Variants in MRPS17 observed in about 807,000 individuals in gnomAD.
MRPS17 encodes the protein small ribosomal subunit protein uS17m.
Under a neutral mutation model 11.3 loss-of-function variants are expected in MRPS17, and 6 were observed. That is an observed-to-expected ratio of 0.53 (90% CI 0.29 to 1.05). The LOEUF (loss-of-function observed/expected upper bound fraction) is 1.05. Ranked by LOEUF, MRPS17 falls within the 50% of genes least tolerant of loss-of-function variation. The pLI is 0.08. For synonymous variants in MRPS17, 56 were observed against 60.4 expected (o/e 0.93, Z 0.34); for missense variants, 139 against 153.6 (o/e 0.90, Z 0.50).
At chr7:55,952,054 G>A (rs1487058732) in intron 1 of MRPS17, 124 bp downstream of exon 1, 2 of 151,938 alleles carry the variant, frequency 1.3e-5, no homozygotes, top group Non-Finnish European at 2.9e-5. Context: ...TGACCTCGGG[G>A]TTGTCTGGGG....
rs1432456564 is a variant in MRPS17 at position 55,954,908 on chromosome 7, G to C, written c.124-1G>C. Reference sequence around the variant, plus strand: ...ATTTGCTTCTCTCCCTCTCTCAACAGTATTTTAATAAGCGGAAAACCTACT... The same window carrying C: ...ATTTGCTTCTCTCCCTCTCTCAACACTATTTTAATAAGCGGAAAACCTACT... On this transcript the variant is annotated splice_acceptor_variant, in intron 2 of 2. Coordinates refer to ENST00000285298, the MANE Select transcript of MRPS17 (RefSeq NM_015969.3). LOFTEE classifies it high-confidence loss of function. 6.2e-7 allele frequency: 1 copy of C among 1,612,724 alleles called. No individual in the cohort carries two copies. Among genetic ancestry groups the C allele is most frequent in the Non-Finnish European group, 8.5e-7 (1 of 1,179,022 alleles).
intron 2 of MRPS17, 104 bp from the exon 3 acceptor site, chr7:55,954,805 C>G: frequency 7.2e-7 from 1 of 1,389,472 alleles, no homozygotes; most frequent in Non-Finnish European, 9.8e-7. Flanking sequence ...TTATCTTTTC[C>G]TAAGTCCTGG....
In MRPS17 at chr7:55,955,293, A is replaced by AAT; in HGVS notation, c.*117_*118dup. 1 of 1,295,660 alleles carries AAT rather than the reference A, an allele frequency of 7.7e-7. No homozygotes were observed. The highest frequency in any genetic ancestry group is 1.1e-6 in the Non-Finnish European group (1 of 947,006). The allele number at this position is 1,295,660 out of a possible 1,614,324, so 80.3% of individuals were successfully genotyped here. Reference sequence around the variant, plus strand: ...TCCAGTTTCTCTGTGGTGTTTATGAAATAGCTAAAAGCAAATGAAGTAAAG... The same window carrying AAT: ...TCCAGTTTCTCTGTGGTGTTTATGAAATATAGCTAAAAGCAAATGAAGTAAAG... On this transcript the variant is annotated 3_prime_UTR_variant, in exon 3 of 3. Coordinates refer to ENST00000285298, the MANE Select transcript of MRPS17 (RefSeq NM_015969.3).
chr7:55,952,022 C>T (rs1190196953), intron 1 of MRPS17, 92 bp downstream of exon 1: 1 of 152,322 alleles, frequency 6.6e-6, no homozygotes, highest in Admixed American at 6.5e-5. Context: ...GCGTGAGAGC[C>T]CTGAGAGCGA....
rs1316810253 is a variant in MRPS17, at chr7:55,955,224, T to C, written c.*46T>C. 2 of 1,563,812 alleles carry C rather than the reference T, an allele frequency of 1.3e-6. No homozygotes were observed. The highest frequency in any genetic ancestry group is 2.3e-5 in the East Asian group (1 of 44,308). ...CTAAAGGGAAAAACTGACATGTTTA[T>C]GTTATGGAAAAAGAAATTTTTCTAA... On this transcript the variant is annotated 3_prime_UTR_variant, in exon 3 of 3. Transcript: ENST00000285298.
At chr7:55,954,871 T>G in intron 2 of MRPS17, 38 bp from the exon 3 acceptor site, 1 of 1,597,524 alleles carries the variant, frequency 6.3e-7, no homozygotes, top group Non-Finnish European at 8.5e-7. Flanking sequence ...AGGTCACAGA[T>G]GGGAACTACT....
chr7:55,954,947 C>T lies in MRPS17; in HGVS notation c.162C>T (p.Ala54=). Residue 54 remains alanine (A), a synonymous_variant, in exon 3 of 3, where the codon GCC becomes GCT. Transcript: ENST00000285298. ...GGAAAACCTACTTTGCTCACGATGC[C>T]CTTCAGCAGTGCACAGTTGGGGATA... ...NKRKTYFAHD[A]LQQCTVGDIV... is the part of the protein sequence containing the mutation. 1 of 1,614,084 alleles carries T rather than the reference C, an allele frequency of 6.2e-7. No individual in the cohort carries two copies.
At chr7:55,952,704 C>T (rs12669185) in intron 1 of MRPS17, among the ~76,000 whole-genome samples, 27,170 of 149,350 alleles carry the variant, frequency 0.18, 2,952 homozygotes, top group East Asian at 0.35. Flanking sequence ...CACTTCACTC[C>T]AGACTGGGCG....
intron 1 of MRPS17, among the ~76,000 whole-genome samples, 155 bp from the exon 2 acceptor site, chr7:55,953,024 T>C (rs1786668810): frequency 6.6e-6 from 1 of 151,144 alleles, no homozygotes; most frequent in African/African-American, 2.4e-5. Flanking sequence ...AGAGAGAGAC[T>C]ACATCTAAAA....
At chr7:55,953,944 C>T (rs60962915) in intron 2 of MRPS17, among the ~76,000 whole-genome samples, 27,467 of 152,084 alleles carry the variant, frequency 0.18, 3,030 homozygotes, top group East Asian at 0.34. Flanking sequence ...TCCTGCTGTG[C>T]GGCCCTGTTC....
chr7:55,953,106 G>A (rs912881232), intron 1 of MRPS17, 73 bp from the exon 2 acceptor site: 1 of 1,540,996 alleles, frequency 6.5e-7, no homozygotes, highest in African/African-American at 1.4e-5. Context: ...GGACTAACCT[G>A]GACAGTTCTT....
chr7:55,953,276 A>G lies in MRPS17; in HGVS notation c.81A>G (p.Lys27=), dbSNP rs1786675545. Residue 27 remains lysine, a synonymous_variant, in exon 2 of 3, where the codon AAA becomes AAG. Coordinates refer to ENST00000285298, the MANE Select transcript of MRPS17 (RefSeq NM_015969.3). The part of the protein sequence containing the change: ...VIGTKMQKTA[K]VRVTRLVLDP... ...GGACAAAAATGCAAAAGACTGCTAA[A>G]GTGAGAGTGACCAGGCTTGTTCTGG... 6.2e-7 allele frequency: 1 copy of G among 1,614,208 alleles called. No individual in the cohort carries two copies. The highest frequency in any genetic ancestry group is 8.5e-7 in the Non-Finnish European group (1 of 1,180,038).
rs994753671 is a variant in MRPS17, at chr7:55,955,548, C to T, written c.*370C>T. The T allele has an allele frequency of 5.8e-6, 1 of 173,686 alleles. No homozygotes were observed. The highest frequency in any genetic ancestry group is 6.1e-5 in the Admixed American group (1 of 16,330). 10.8% of individuals were successfully genotyped at this position (173,686 alleles called of 1,614,324 possible). A position where few individuals can be genotyped will look rare whatever the true frequency, so the allele number is the denominator to read the frequency against. On this transcript the variant is annotated 3_prime_UTR_variant, in exon 3 of 3. Transcript: ENST00000285298. Reference sequence around the variant, plus strand: ...TCCCGGGTTCACGCCGTTCTCCTGCCTCAGCCTCCCGAGTAGCTGGGACTA... The same window carrying T: ...TCCCGGGTTCACGCCGTTCTCCTGCTTCAGCCTCCCGAGTAGCTGGGACTA...
chr7:55,955,424 A>G lies in MRPS17; in HGVS notation c.*246A>G. ...TTAAGTGTGCCTAGCAGTCTGTTGC[A>G]TTTTGTAAGCTCACAGTTTTTTGTT... is the stretch of plus-strand genomic sequence containing the variant. On this transcript the variant is annotated 3_prime_UTR_variant, in exon 3 of 3. Transcript: ENST00000285298. 1 of 461,200 alleles carries G rather than the reference A, an allele frequency of 2.2e-6. No homozygotes were observed. Among genetic ancestry groups the G allele is most frequent in the Non-Finnish European group, 3.9e-6 (1 of 259,186 alleles). 28.6% of individuals were successfully genotyped at this position (461,200 alleles called of 1,614,324 possible).
chr7:55,952,087 C>T (rs1015078672), intron 1 of MRPS17, 157 bp downstream of exon 1: 1 of 151,570 alleles, frequency 6.6e-6, no homozygotes, highest in Non-Finnish European at 1.5e-5. Context: ...TCACCCCAAC[C>T]TTTCCGAAGC....
rs1333412589 is a variant in MRPS17 at position 55,955,263 on chromosome 7, CTG to C, written c.*89_*90del. On this transcript the variant is annotated 3_prime_UTR_variant, in exon 3 of 3. Transcript: ENST00000285298. ...AAATTTTTCTAAGTTTCATCACAAA[CTG>C]TGTCCAGTTTCTCTGTGGTGTTTAT... 104 of 1,487,254 alleles carry C rather than the reference CTG, an allele frequency of 7.0e-5. No individual in the cohort carries two copies. The highest frequency in any genetic ancestry group is 3.1e-4 in the African/African-American group (22 of 71,390). The allele number at this position is 1,487,254 out of a possible 1,614,324, so 92.1% of individuals were successfully genotyped here. A position where few individuals can be genotyped will look rare whatever the true frequency, so the allele number is the denominator to read the frequency against.
chr7:55,953,107 G>T, intron 1 of MRPS17, 72 bp from the exon 2 acceptor site: 1 of 1,547,110 alleles, frequency 6.5e-7, no homozygotes, highest in Non-Finnish European at 8.8e-7. Context: ...GACTAACCTG[G>T]ACAGTTCTTG....
intron 2 of MRPS17, 148 bp downstream of exon 2, chr7:55,953,466 G>A (rs1197349972): frequency 7.3e-6 from 8 of 1,088,586 alleles, no homozygotes; most frequent in African/African-American, 3.2e-5. Context: ...GGTATAACAC[G>A]GTTTACACAT....
At position 55,955,244 on chromosome 7, in the gene MRPS17, T is replaced by G. The variant is rs1786710524; in HGVS notation, c.*66T>G. 1 of 1,535,966 alleles carries G rather than the reference T, an allele frequency of 6.5e-7. No homozygotes were observed. Among genetic ancestry groups the G allele is most frequent in the African/African-American group, 1.4e-5 (1 of 72,198 alleles). On this transcript the variant is annotated 3_prime_UTR_variant, in exon 3 of 3. Coordinates refer to ENST00000285298, the MANE Select transcript of MRPS17 (RefSeq NM_015969.3). ...GTTTATGTTATGGAAAAAGAAATTT[T>G]TCTAAGTTTCATCACAAACTGTGTC...
Sources: allele counts gnomAD v4.1 joint callset (sites outside exome capture counted in the v4.1 genomes callset), GRCh38; gene constraint gnomAD v4.1.1; transcripts MANE v1.5; gene names NCBI Gene and HGNC (gene_info 2026-07-23, HGNC 2026-07-21).